RAP1GAP: variants seen among roughly 807,000 people sequenced by gnomAD.
The protein encoded by RAP1GAP is rap1 GTPase-activating protein 1.
Under a neutral mutation model 87.2 loss-of-function variants are expected in RAP1GAP, and 35 were observed. The ratio of observed to expected loss-of-function variants is 0.40; its 90% confidence interval spans 0.31 to 0.53. RAP1GAP has a LOEUF of 0.53. Ranked by LOEUF, RAP1GAP falls within the 20% of genes least tolerant of loss-of-function variation. The pLI is 0.48. For synonymous variants in RAP1GAP, 375 were observed against 363.9 expected, an observed-to-expected ratio of 1.03 and a Z score of -0.35; for missense variants, 734 against 898.9, an observed-to-expected ratio of 0.82 and a Z score of 2.35.
chr1:21,656,181 C>T (rs900696297), intron 1 of RAP1GAP, among the ~76,000 whole-genome samples: 8 of 152,192 alleles, frequency 5.3e-5, no homozygotes, highest in African/African-American at 1.9e-4. Flanking sequence ...GCCTGTGATC[C>T]CAGCATTTTG....
chr1:21,642,069 G>T (rs2151440329), intron 2 of RAP1GAP, among the ~76,000 whole-genome samples: 1 of 152,354 alleles, frequency 6.6e-6, no homozygotes, highest in African/African-American at 2.4e-5. Context: ...GCTCAGCAAG[G>T]TGACGGACTC....
rs557735217 is a variant in RAP1GAP at position 21,666,666 on chromosome 1, G to A, written c.-149+2588C>T. 4.6e-5 allele frequency among the ~76,000 whole-genome samples: 7 copies of A among 152,282 alleles called. No individual in the cohort carries two copies. In the East Asian group the frequency reaches 1.4e-3, roughly 30 times the overall value. Reference sequence around the variant, plus strand: ...GGGGCCTCCACTCCCCTCCCCGGGTGATGAAGCATTAACATCCCACACGCA... The same window carrying A: ...GGGGCCTCCACTCCCCTCCCCGGGTAATGAAGCATTAACATCCCACACGCA... On this transcript the variant is annotated intron_variant, in intron 1 of 24. Transcript: ENST00000374765.
Position 21,598,018 on chromosome 1 carries a change from A to G in RAP1GAP, c.1926T>C (p.Pro642=), listed in dbSNP as rs944160975. 6.5e-7 allele frequency: 1 copy of G among 1,539,108 alleles called. No individual in the cohort carries two copies. Among genetic ancestry groups the G allele is most frequent in the Non-Finnish European group, 8.8e-7 (1 of 1,138,234 alleles). Residue 642 remains proline, a synonymous_variant, in exon 23 of 25, where the codon CCT becomes CCC. Transcript: ENST00000374765. The stretch of plus-strand genomic sequence containing the variant: ...GCTGGATCTTGATCTCGGGACACGC[A>G]GGGTCCCCCAACTTGCCGGCGTCTG... ...PHPDAGKLGD[P]ACPEIKIQLE... is the part of the protein sequence containing the mutation.
intron 17 of RAP1GAP, among the ~76,000 whole-genome samples, chr1:21,607,836 CCA>C (rs1165243949): frequency 1.3e-5 from 2 of 152,108 alleles, no homozygotes; most frequent in Non-Finnish European, 2.9e-5. Flanking sequence ...CGCCCTCATC[CCA>C]GACTAGAGCC....
intron 20 of RAP1GAP, among the ~76,000 whole-genome samples, chr1:21,600,540 C>T (rs753352544): frequency 2.6e-5 from 4 of 152,142 alleles, no homozygotes; most frequent in Non-Finnish European, 5.9e-5. Context: ...CTTAAAGCAT[C>T]GCCCTCGTAA....
Position 21,599,512 on chromosome 1 carries a change from GT to G in RAP1GAP, c.1757del (p.Asp586AlafsTer187), listed in dbSNP as rs1558590868. Reference protein sequence around the residue: ...ASVVEETEGVDGEDTGLESVS... With the variant: ...ASVVEETEGVXGEDTGLESVS... Reference sequence around the variant, plus strand: ...CTCTCACCAGGCCTGTGTCCTCTCCGTCCACACCCTCCGTCTCCTCCACCAC... The same window carrying G: ...CTCTCACCAGGCCTGTGTCCTCTCCGCCACACCCTCCGTCTCCTCCACCAC... On this transcript the variant is annotated frameshift_variant, in exon 21 of 25. Coordinates refer to ENST00000374765, the MANE Select transcript of RAP1GAP (RefSeq NM_002885.4). LOFTEE classifies it high-confidence loss of function. The G allele has an allele frequency of 6.2e-7, 1 of 1,609,286 alleles. No homozygotes were observed.
intron 2 of RAP1GAP, among the ~76,000 whole-genome samples, chr1:21,633,152 T>G (rs1289735415): frequency 1.3e-5 from 2 of 152,358 alleles, no homozygotes; most frequent in African/African-American, 4.8e-5. Flanking sequence ...CCCAACCTTT[T>G]CAGGGCACCA....
At chr1:21,598,214 C>A in intron 22 of RAP1GAP, 150 bp from the exon 23 acceptor site, 1 of 760,880 alleles carries the variant, frequency 1.3e-6, no homozygotes, top group Non-Finnish European at 2.1e-6. Flanking sequence ...GAGACCCTTC[C>A]GGAAGAAACC....
chr1:21,658,916 TATCATGACAGGAAA>T (rs1184579839), intron 1 of RAP1GAP, among the ~76,000 whole-genome samples: 1 of 147,480 alleles, frequency 6.8e-6, no homozygotes, highest in Admixed American at 7.1e-5. Flanking sequence ...TTCCTAGGAA[TATCATGACAGGAAA>T]ATGAAGAACG....
At chr1:21,607,622 G>A (rs2075557058) in intron 17 of RAP1GAP, among the ~76,000 whole-genome samples, 1 of 152,042 alleles carries the variant, frequency 6.6e-6, no homozygotes, top group African/African-American at 2.4e-5. Context: ...AGCAGCCTTT[G>A]TACCAGCAGC....
chr1:21,657,235 A>C (rs1344108034), intron 1 of RAP1GAP, among the ~76,000 whole-genome samples: 1 of 152,200 alleles, frequency 6.6e-6, no homozygotes, highest in African/African-American at 2.4e-5. Flanking sequence ...GTACGTGCAC[A>C]TGCAAAGGTC....
intron 1 of RAP1GAP, among the ~76,000 whole-genome samples, chr1:21,652,086 C>A (rs920372277): frequency 1.3e-5 from 2 of 151,192 alleles, no homozygotes; most frequent in African/African-American, 4.8e-5. Context: ...GGCCCGGGGC[C>A]CGGGGCAGCC....
intron 1 of RAP1GAP, among the ~76,000 whole-genome samples, chr1:21,658,874 G>A (rs956370526): frequency 6.7e-6 from 1 of 149,728 alleles, no homozygotes; most frequent in Non-Finnish European, 1.5e-5. Flanking sequence ...TATATAGTTG[G>A]TTTTTGAAGT....
chr1:21,631,698 A>C (rs2093771925), intron 2 of RAP1GAP, among the ~76,000 whole-genome samples: 1 of 152,180 alleles, frequency 6.6e-6, no homozygotes, highest in African/African-American at 2.4e-5. Context: ...AAAAACAAAA[A>C]CAAAAACAAA....
Position 21,608,279 on chromosome 1 carries a change from G to A in RAP1GAP, c.1230C>T (p.Gly410=), listed in dbSNP as rs766535205. 6 of 1,614,084 alleles carry A rather than the reference G, an allele frequency of 3.7e-6. No individual in the cohort carries two copies. The South Asian group carries it at 6.6e-5, about 18-fold the overall frequency. ...ELHIHSQSMM[G]LGGDEDKMEN... Reference sequence around the variant, plus strand: ...CCATCTTGTCCTCGTCGCCGCCCAAGCCCATCATGGACTGGCTGTGGATGT... The same window carrying A: ...CCATCTTGTCCTCGTCGCCGCCCAAACCCATCATGGACTGGCTGTGGATGT... Residue 410 remains glycine (G), a synonymous_variant, in exon 17 of 25, where the codon GGC becomes GGT. Transcript: ENST00000374765.
Position 21,602,742 on chromosome 1 carries a change from C to T in RAP1GAP, c.1538+62G>A, listed in dbSNP as rs1040954782. 4 of 1,442,312 alleles carry T rather than the reference C, an allele frequency of 2.8e-6. No individual in the cohort carries two copies. The Admixed American group carries it at 5.7e-5, about 21-fold the overall frequency. The allele number at this position is 1,442,312 out of a possible 1,614,324, so 89.3% of individuals were successfully genotyped here. A position where few individuals can be genotyped will look rare whatever the true frequency, so the allele number is the denominator to read the frequency against. ...CTCCCTTCTGCCTGCCTTGCTTTGC[C>T]ACCGAATGGGGCTCAGGGATGGGGA... On this transcript the variant is annotated intron_variant, in intron 19 of 24. Transcript: ENST00000374765.
chr1:21,626,534 G>T, intron 2 of RAP1GAP, 137 bp from the exon 3 acceptor site: 1 of 680,038 alleles, frequency 1.5e-6, no homozygotes, highest in Non-Finnish European at 2.6e-6. Flanking sequence ...TTCCCCAAGA[G>T]GAGGGAGAGG....
At position 21,611,564 on chromosome 1, in the gene RAP1GAP, T is replaced by A. The variant is rs201985030; in HGVS notation, c.731A>T (p.Asp244Val). The A allele has an allele frequency of 6.2e-7, 1 of 1,614,154 alleles. No homozygotes were observed. The highest frequency in any genetic ancestry group is 8.5e-7 in the Non-Finnish European group (1 of 1,180,022). The change falls in exon 13 of 25, where the codon GAC (aspartate) becomes GTC (valine). Residue 244 changes from aspartate to valine, a missense_variant. By Grantham distance (152) the Asp-to-Val change is radical (BLOSUM62 -3). Transcript: ENST00000374765. ...GGTCCCCGTCTGCCCGTGGGTCACG[T>A]CCAGGCCTCCTCGGAACCTGCCCCG... ...QDFKGFRGGL[D>V]VTHGQTGTES...
chr1:21,637,489 G>A (rs1223243481), intron 2 of RAP1GAP, among the ~76,000 whole-genome samples: 1 of 152,012 alleles, frequency 6.6e-6, no homozygotes, highest in Non-Finnish European at 1.5e-5. Flanking sequence ...GATGACTCTA[G>A]GATCCCTGTA....
Sources: allele counts gnomAD v4.1 joint callset (sites outside exome capture counted in the v4.1 genomes callset), GRCh38; gene constraint gnomAD v4.1.1; transcripts MANE v1.5; gene names NCBI Gene and HGNC (gene_info 2026-07-23, HGNC 2026-07-21).